CEP295: variants seen among roughly 807,000 people sequenced by gnomAD.
CEP295 encodes the protein centrosomal protein 295, also known as centrosomal protein of 295 kDa.
Under a neutral mutation model 291.6 loss-of-function variants are expected in CEP295, and 190 were observed. The ratio of observed to expected loss-of-function variants is 0.65; its 90% CI spans 0.58 to 0.73. CEP295 has a LOEUF of 0.73. Ranked by LOEUF, CEP295 falls within the 30% of genes least tolerant of loss-of-function variation. CEP295 has a pLI of 0.00. For missense variants in CEP295, 2,863 were observed against 2,949.4 expected (o/e 0.97, Z 0.68); for synonymous variants, 993 against 1,038.8 (o/e 0.96, Z 0.85).
Position 93,699,196 on chromosome 11 carries a change from A to T in CEP295, c.4284A>T (p.Val1428=). The change falls in exon 15 of 30, where the codon GTA becomes GTT. Residue 1428 remains valine, a synonymous_variant. Coordinates refer to ENST00000325212, the MANE Select transcript of CEP295 (RefSeq NM_033395.2). ...GTTCAATTAACAGTGATAATATAGT[A>T]TCCTCAGGTCACTCAGAGATACCAA... ...EPCSINSDNI[V]SSGHSEIPTL... is the part of the protein sequence containing the mutation. 1 of 1,551,942 alleles carries T rather than the reference A, an allele frequency of 6.4e-7. No individual in the cohort carries two copies. The highest frequency in any genetic ancestry group is 8.7e-7 in the Non-Finnish European group (1 of 1,147,038).
At chr11:93,679,328 A>T (rs2134913485) in intron 6 of CEP295, 84 bp from the exon 7 acceptor site, 1 of 1,149,652 alleles carries the variant, frequency 8.7e-7, no homozygotes, top group East Asian at 2.6e-5. Flanking sequence ...TGTAGAAAAC[A>T]TGATTTTAAG....
chr11:93,689,549 C>A (rs1253824178), intron 10 of CEP295, among the ~76,000 whole-genome samples: 1 of 152,128 alleles, frequency 6.6e-6, no homozygotes, highest in Non-Finnish European at 1.5e-5. Context: ...TCAACTATCC[C>A]TTTCTCAGTA....
Position 93,679,429 on chromosome 11 carries a change from T to C in CEP295, c.642T>C (p.Ala214=). The change falls in exon 7 of 30, where the codon GCT becomes GCC. Residue 214 remains alanine (A), a synonymous_variant. Transcript: ENST00000325212. Reference sequence around the variant, plus strand: ...ACTGCTAGCCAGATGCTCGTTTGGCTGCTGAAGAGGAAGCTAAACGATTGG... The same window carrying C: ...ACTGCTAGCCAGATGCTCGTTTGGCCGCTGAAGAGGAAGCTAAACGATTGG... ...TDTKRPDARL[A]AEEEAKRLEE... 1 of 1,550,514 alleles carries C rather than the reference T, an allele frequency of 6.4e-7. No homozygotes were observed. Among genetic ancestry groups the C allele is most frequent in the Non-Finnish European group, 8.7e-7 (1 of 1,146,306 alleles).
chr11:93,675,496 A>T, intron 5 of CEP295, 75 bp from the exon 6 acceptor site: 1 of 717,412 alleles, frequency 1.4e-6, no homozygotes, highest in Non-Finnish European at 2.2e-6. Context: ...ATACAAAATT[A>T]CTTTTTTTGC....
intron 25 of CEP295, 117 bp downstream of exon 25, chr11:93,728,938 C>T (rs1240071353): frequency 3.8e-6 from 3 of 782,598 alleles, no homozygotes; most frequent in African/African-American, 1.8e-5. Flanking sequence ...TTAACTAAGC[C>T]GACACCCCCA....
At position 93,679,607 on chromosome 11, in the gene CEP295, C is replaced by T. The variant is rs964871460; in HGVS notation, c.765+55C>T. The T allele has an allele frequency of 1.1e-5, 16 of 1,445,040 alleles. No individual in the cohort carries two copies. The Middle Eastern group carries it at 5.3e-4, about 48-fold the overall frequency. 89.5% of individuals were successfully genotyped at this position (1,445,040 alleles called of 1,614,324 possible). A position where few individuals can be genotyped will look rare whatever the true frequency, so the allele number is the denominator to read the frequency against. On this transcript the variant is annotated intron_variant, in intron 7 of 29. Transcript: ENST00000325212. ...ACTCATGGACTTACTAATAGCATTG[C>T]AGGACTGATTAGTGAATGAGCTCAA...
At position 93,666,795 on chromosome 11, in the gene CEP295, C is replaced by A; in HGVS notation, c.88C>A (p.Arg30=). 6.5e-7 allele frequency: 1 copy of A among 1,540,250 alleles called. No homozygotes were observed. Among genetic ancestry groups the A allele is most frequent in the Non-Finnish European group, 8.8e-7 (1 of 1,137,588 alleles). Residue 30 remains arginine (R), a synonymous_variant, in exon 2 of 30, where the codon CGA becomes AGA. Coordinates refer to ENST00000325212, the MANE Select transcript of CEP295 (RefSeq NM_033395.2). Reference sequence around the variant, plus strand: ...TTTGAAGGAAGATTATGAAAGAAGGCGAAAACTAAGATTGCTACAGGTATG... The same window carrying A: ...TTTGAAGGAAGATTATGAAAGAAGGAGAAAACTAAGATTGCTACAGGTATG... The part of the protein sequence containing the change: ...FILKEDYERR[R]KLRLLQVREQ...
At chr11:93,716,180 A>C (rs1953227872) in intron 18 of CEP295, among the ~76,000 whole-genome samples, 1 of 152,162 alleles carries the variant, frequency 6.6e-6, no homozygotes, top group Non-Finnish European at 1.5e-5. Context: ...CAACTGCTAG[A>C]GTGGATACTT....
chr11:93,686,377 G>A (rs1294561224), intron 9 of CEP295, among the ~76,000 whole-genome samples: 2 of 152,052 alleles, frequency 1.3e-5, no homozygotes, highest in South Asian at 4.1e-4. Context: ...TTTTCATTGG[G>A]AGTATCAATA....
At chr11:93,721,174 C>A in intron 18 of CEP295, 138 bp from the exon 19 acceptor site, 1 of 610,766 alleles carries the variant, frequency 1.6e-6, no homozygotes, top group South Asian at 2.0e-5. Context: ...TGATCTAAGA[C>A]AAGACAACTT....
intron 17 of CEP295, among the ~76,000 whole-genome samples, chr11:93,704,190 C>T (rs995605766): frequency 5.9e-5 from 9 of 151,844 alleles, no homozygotes; most frequent in African/African-American, 2.2e-4. Flanking sequence ...TAAAGGGGAA[C>T]ATTAGCTTTG....
rs573620955 is a variant in CEP295, at chr11:93,717,224, A to C, written c.5750-4088A>C. Among the ~76,000 whole-genome samples, 7 of 152,298 alleles carry C rather than the reference A, an allele frequency of 4.6e-5. No individual in the cohort carries two copies. The South Asian group carries it at 1.4e-3, about 32-fold the overall frequency. ...GTGAGGACAGTTGGTGGAAGCTTCT[A>C]TTCCGTCTCTCTTGCTCCACCCCTA... On this transcript the variant is annotated intron_variant, in intron 18 of 29. Transcript: ENST00000325212.
chr11:93,699,955 C>T lies in CEP295; in HGVS notation c.5043C>T (p.Pro1681=), dbSNP rs1211041910. 16 of 1,551,630 alleles carry T rather than the reference C, an allele frequency of 1.0e-5. No individual in the cohort carries two copies. The highest frequency in any genetic ancestry group is 2.7e-5 in the African/African-American group (2 of 73,040). Residue 1681 remains proline (P), a synonymous_variant, in exon 15 of 30, where the codon CCC becomes CCT. Coordinates refer to ENST00000325212, the MANE Select transcript of CEP295 (RefSeq NM_033395.2). ...LYSSQNEHAA[P]PSNPVIPGFQ... Reference sequence around the variant, plus strand: ...CATCCCAGAATGAACATGCAGCCCCCCCAAGTAATCCTGTGATCCCAGGGT... The same window carrying T: ...CATCCCAGAATGAACATGCAGCCCCTCCAAGTAATCCTGTGATCCCAGGGT...
In CEP295 at chr11:93,684,175, A is replaced by C. The variant is rs186460600; in HGVS notation, c.1114+47A>C. 6.0e-6 allele frequency: 9 copies of C among 1,512,400 alleles called. No individual in the cohort carries two copies. The Admixed American group carries it at 2.0e-4, about 33-fold the overall frequency. The allele number at this position is 1,512,400 out of a possible 1,614,324, so 93.7% of individuals were successfully genotyped here. ...ATATTACAGTATTTCACAGAAAAAA[A>C]AAATGCTAACCATTAGCCAGCAGTT... is the stretch of plus-strand genomic sequence containing the variant. On this transcript the variant is annotated intron_variant, in intron 9 of 29. Coordinates refer to ENST00000325212, the MANE Select transcript of CEP295 (RefSeq NM_033395.2).
At position 93,667,680 on chromosome 11, in the gene CEP295, C is replaced by G. The variant is rs1440258149; in HGVS notation, c.182C>G (p.Thr61Arg). ...AAACAGAGGAGAAATCAACAATTTA[C>G]ACGTTTGGCAGAGGAGCTAAGGGCA... ...DIKQRRNQQF[T>R]RLAEELRAEW... The change falls in exon 3 of 30, where the codon ACA becomes AGA. Residue 61 changes from threonine (T) to arginine (R), a missense_variant. Thr to Arg is a moderately conservative substitution (Grantham distance 71, BLOSUM62 -1). Coordinates refer to ENST00000325212, the MANE Select transcript of CEP295 (RefSeq NM_033395.2). The G allele has an allele frequency of 1.3e-6, 2 of 1,551,232 alleles. No homozygotes were observed. Among genetic ancestry groups the G allele is most frequent in the Non-Finnish European group, 1.7e-6 (2 of 1,146,724 alleles).
intron 1 of CEP295, among the ~76,000 whole-genome samples, chr11:93,666,325 GGC>G (rs1950205599): frequency 6.6e-6 from 1 of 152,200 alleles, no homozygotes. Flanking sequence ...CAGGCATGGT[GGC>G]TCATGCCTGT....
rs749716186 is a variant in CEP295, at chr11:93,726,942, G to A, written c.6500-34G>A. On this transcript the variant is annotated intron_variant, in intron 23 of 29. Transcript: ENST00000325212. ...GTATCCAACTTTTACAACATGTAAC[G>A]ATGATTAACTGATTTTTGAATTTCT... is the stretch of plus-strand genomic sequence containing the variant. 2.5e-5 allele frequency: 36 copies of A among 1,448,132 alleles called. No individual in the cohort carries two copies. In the Admixed American group the frequency reaches 3.4e-4, roughly 14 times the overall value. The allele number at this position is 1,448,132 out of a possible 1,614,324, so 89.7% of individuals were successfully genotyped here. A position where few individuals can be genotyped will look rare whatever the true frequency, so the allele number is the denominator to read the frequency against.
chr11:93,662,183 G>C (rs779405564), intron 1 of CEP295, among the ~76,000 whole-genome samples: 3 of 152,198 alleles, frequency 2.0e-5, no homozygotes, highest in Non-Finnish European at 4.4e-5. Context: ...GCTCTCTTTT[G>C]GTGTCTGCCA....
At chr11:93,710,119 T>C (rs1178843351) in intron 18 of CEP295, among the ~76,000 whole-genome samples, 1 of 152,192 alleles carries the variant, frequency 6.6e-6, no homozygotes, top group Non-Finnish European at 1.5e-5. Flanking sequence ...TGCTCTTTAT[T>C]TCCTTGTCTT....
Sources: allele counts gnomAD v4.1 joint callset (sites outside exome capture counted in the v4.1 genomes callset), GRCh38; gene constraint gnomAD v4.1.1; transcripts MANE v1.5; gene names NCBI Gene and HGNC (gene_info 2026-07-23, HGNC 2026-07-21).